APP: variants seen among roughly 807,000 people sequenced by gnomAD.
APP encodes amyloid-beta precursor protein.
Under a neutral mutation model 101.4 loss-of-function variants are expected in APP, and 31 were observed. The observed-to-expected ratio is 0.31, with a 90% CI of 0.23 to 0.41. The LOEUF (loss-of-function observed/expected upper bound fraction) is 0.41, where lower values mean the gene tolerates loss of function less well. Among genes scored for constraint, APP ranks in the 10% least tolerant of loss-of-function variants. The pLI is 1.00. For synonymous variants in APP, 366 were observed against 364.4 expected, an observed-to-expected ratio of 1.00 and a Z score of -0.05; for missense variants, 839 against 1,003.7, an observed-to-expected ratio of 0.84 and a Z score of 2.22.
chr21:26,061,161 C>A (rs937483697), intron 3 of APP, among the ~76,000 whole-genome samples: 1 of 152,158 alleles, frequency 6.6e-6, no homozygotes, highest in Non-Finnish European at 1.5e-5. Context: ...AAGGTCAGAT[C>A]TAAATAATCA....
At chr21:25,991,653 C>T (rs563149232) in intron 8 of APP, among the ~76,000 whole-genome samples, 1 of 152,328 alleles carries the variant, frequency 6.6e-6, no homozygotes, top group South Asian at 2.1e-4. Flanking sequence ...GCTGGGATTA[C>T]AGGCGTGAGC....
At chr21:26,071,155 A>G (rs189884339) in intron 3 of APP, among the ~76,000 whole-genome samples, 7 of 152,312 alleles carry the variant, frequency 4.6e-5, no homozygotes, top group Admixed American at 1.3e-4. Context: ...TAAGCAATAA[A>G]GCAAGGCATC....
At chr21:25,980,122 C>G (rs183865846) in intron 9 of APP, among the ~76,000 whole-genome samples, 1 of 152,232 alleles carries the variant, frequency 6.6e-6, no homozygotes, top group African/African-American at 2.4e-5. Flanking sequence ...AGACGATGAG[C>G]AGAGTGGCCT....
In APP at chr21:26,053,320, G is replaced by A. The variant is rs148699407; in HGVS notation, c.384C>T (p.Leu128=). 2.5e-6 allele frequency: 4 copies of A among 1,613,524 alleles called. No homozygotes were observed. Among genetic ancestry groups the A allele is most frequent in the Non-Finnish European group, 3.4e-6 (4 of 1,179,514 alleles). The change falls in exon 4 of 18, where the codon CTC becomes CTT. Residue 128 remains leucine, a synonymous_variant. Coordinates refer to ENST00000346798, the MANE Select transcript of APP (RefSeq NM_000484.4). ...GTAAGAATTTGCACTTGTCAGGAAC[G>A]AGAAGGGCATCACTTACAAACTCAC... ...LVGEFVSDAL[L]VPDKCKFLHQ... is the part of the protein sequence containing the mutation.
chr21:25,981,745 AATGAAAGGAG>A (rs2042440600), intron 9 of APP, among the ~76,000 whole-genome samples: 1 of 148,616 alleles, frequency 6.7e-6, no homozygotes, highest in African/African-American at 2.5e-5. Context: ...AGCAAAGTAT[AATGAAAGGAG>A]TACTGTACTA....
chr21:25,895,828 G>A (rs1193892177), intron 16 of APP, among the ~76,000 whole-genome samples: 2 of 152,108 alleles, frequency 1.3e-5, no homozygotes, highest in South Asian at 2.1e-4. Flanking sequence ...AGGTAATCAG[G>A]AATAAATACA....
chr21:26,018,077 G>T (rs1206641843), intron 6 of APP, among the ~76,000 whole-genome samples: 1 of 152,140 alleles, frequency 6.6e-6, no homozygotes, highest in Admixed American at 6.5e-5. Context: ...TCTCATTTGG[G>T]TATCATCGAT....
At position 25,881,548 on chromosome 21, in the gene APP, G is replaced by A; in HGVS notation, c.*122C>T. 1 of 1,110,630 alleles carries A rather than the reference G, an allele frequency of 9.0e-7. No individual in the cohort carries two copies. Among genetic ancestry groups the A allele is most frequent in the Non-Finnish European group, 1.4e-6 (1 of 735,170 alleles). 68.8% of individuals were successfully genotyped at this position (1,110,630 alleles called of 1,614,324 possible). ...TTGTGTTACAGCACAGCTGTCAAAA[G>A]GCGATAATGAGTAAATCATAAAACG... On this transcript the variant is annotated 3_prime_UTR_variant, in exon 18 of 18. Coordinates refer to ENST00000346798, the MANE Select transcript of APP (RefSeq NM_000484.4).
intron 1 of APP, among the ~76,000 whole-genome samples, chr21:26,143,402 C>T (rs1482107525): frequency 6.6e-6 from 1 of 152,196 alleles, no homozygotes; most frequent in Non-Finnish European, 1.5e-5. Context: ...GGTTAGGTCA[C>T]TTCTTTTATT....
At chr21:26,053,107 G>A in intron 4 of APP, 129 bp downstream of exon 4, 2 of 786,224 alleles carry the variant, frequency 2.5e-6, no homozygotes, top group East Asian at 2.5e-5. Flanking sequence ...GTTACGGATA[G>A]TAGCACTGGG....
intron 1 of APP, among the ~76,000 whole-genome samples, chr21:26,131,376 T>C (rs2062792503): frequency 6.6e-6 from 1 of 152,216 alleles, no homozygotes; most frequent in Non-Finnish European, 1.5e-5. Context: ...ATGCAACCAT[T>C]TTATTGTTCA....
intron 1 of APP, among the ~76,000 whole-genome samples, chr21:26,152,780 T>C (rs1364733530): frequency 6.6e-6 from 1 of 152,124 alleles, no homozygotes; most frequent in East Asian, 1.9e-4. Flanking sequence ...GATCCAGCAA[T>C]CTTAATACTG....
Position 26,168,574 on chromosome 21 carries a change from A to ACT in APP, c.57+1989_57+1990insAG, listed in dbSNP as rs2063667416. Among the ~76,000 whole-genome samples the ACT allele has an allele frequency of 3.3e-5, 5 of 151,380 alleles. No individual in the cohort carries two copies. In the South Asian group the frequency reaches 1.0e-3, roughly 31 times the overall value. ...TGCTTCCTCTTTTTATACAGAAAGA[A>ACT]ATATTGCTCAACAAAGTTACATATT... On this transcript the variant is annotated intron_variant, in intron 1 of 17. Transcript: ENST00000346798.
rs573683985 is a variant in APP at position 26,042,482 on chromosome 21, G to A, written c.662+8518C>T. Among the ~76,000 whole-genome samples the A allele has an allele frequency of 3.9e-5, 6 of 152,298 alleles. No individual in the cohort carries two copies. In the South Asian group the frequency reaches 1.0e-3, roughly 26 times the overall value. On this transcript the variant is annotated intron_variant, in intron 5 of 17. Transcript: ENST00000346798. ...TAATACCATCTGGTTATTATTTTCT[G>A]AGAAAAGTTCTCAGAGCACAATGAC...
At chr21:25,929,270 TAATAA>T (rs1555897626) in intron 13 of APP, among the ~76,000 whole-genome samples, 1 of 152,156 alleles carries the variant, frequency 6.6e-6, no homozygotes, top group Non-Finnish European at 1.5e-5. Context: ...CTTCTTTTAT[TAATAA>T]AATATAATGT....
intron 5 of APP, 130 bp downstream of exon 5, chr21:26,050,870 T>C (rs538383762): frequency 5.8e-5 from 64 of 1,100,742 alleles, no homozygotes; most frequent in Middle Eastern, 5.9e-4. Flanking sequence ...GATTTTTGCA[T>C]AACAGCAGAC....
At chr21:26,094,674 T>C (rs2061901698) in intron 2 of APP, among the ~76,000 whole-genome samples, 1 of 150,622 alleles carries the variant, frequency 6.6e-6, no homozygotes, top group Non-Finnish European at 1.5e-5. Context: ...TAGACAAGAA[T>C]AAAAATTTCA....
At chr21:26,168,208 CAT>C (rs1601613138) in intron 1 of APP, among the ~76,000 whole-genome samples, 1 of 152,172 alleles carries the variant, frequency 6.6e-6, no homozygotes, top group Non-Finnish European at 1.5e-5. Flanking sequence ...AGATAATAAC[CAT>C]GTTTCCCCCG....
intron 1 of APP, among the ~76,000 whole-genome samples, chr21:26,113,219 T>C (rs1273876250): frequency 2.0e-5 from 3 of 152,142 alleles, no homozygotes; most frequent in Admixed American, 2.0e-4. Flanking sequence ...AGAATTAACT[T>C]CCAGCAGAAG....
Sources: gnomAD v4.1 joint callset for allele counts (sites outside exome capture counted in the v4.1 genomes callset) on GRCh38, gnomAD v4.1.1 for gene constraint, MANE v1.5 for transcripts, NCBI Gene and HGNC (gene_info 2026-07-23, HGNC 2026-07-21) for gene names.